PALLD: variants seen among roughly 807,000 people sequenced by gnomAD.
PALLD encodes palladin.
In PALLD, 61 loss-of-function variants were observed where a neutral mutation model predicts 123.5. That is an observed-to-expected ratio of 0.49 (90% CI 0.40 to 0.61). PALLD has a LOEUF of 0.61. Ranked by LOEUF, PALLD falls within the 20% of genes least tolerant of loss-of-function variation. The pLI, the probability that PALLD is intolerant of heterozygous loss-of-function variation, is 0.00. For synonymous variants in PALLD, 465 were observed against 496.4 expected (o/e 0.94, Z 0.84); for missense variants, 1,273 against 1,377.0 (o/e 0.92, Z 1.20).
At chr4:168,880,254 CA>C (rs1752425973) in intron 10 of PALLD, among the ~76,000 whole-genome samples, 1 of 152,138 alleles carries the variant, frequency 6.6e-6, no homozygotes, top group African/African-American at 2.4e-5. Flanking sequence ...TTTATGGAGT[CA>C]AAATAGCTTA....
chr4:168,878,311 G>C, intron 10 of PALLD: 1 of 1,526,590 alleles, frequency 6.6e-7, no homozygotes, highest in Non-Finnish European at 8.7e-7. Flanking sequence ...AGACGCCCGC[G>C]GCCTTCCTCA....
chr4:168,708,932 C>A, intron 8 of PALLD, 96 bp from the exon 9 acceptor site: 1 of 1,050,800 alleles, frequency 9.5e-7, no homozygotes, highest in Non-Finnish European at 1.5e-6. Flanking sequence ...TAATCATAAC[C>A]TAATTTGTTT....
intron 10 of PALLD, among the ~76,000 whole-genome samples, chr4:168,713,599 T>C (rs1785044843): frequency 1.3e-5 from 2 of 152,184 alleles, no homozygotes; most frequent in Non-Finnish European, 2.9e-5. Flanking sequence ...AGCTTTTAGC[T>C]CTGCTTTGCA....
Position 168,913,960 on chromosome 4 carries a change from C to T in PALLD, c.2656C>T (p.Gln886Ter). Reference sequence around the variant, plus strand: ...CAGTTGTACTGGACGGCTAATGGTACAGGCTGTCAACCAAAGAGGTCGAAG... The same window carrying T: ...CAGTTGTACTGGACGGCTAATGGTATAGGCTGTCAACCAAAGAGGTCGAAG... ...RISCTGRLMVQAVNQRGRSPR... is the reference protein window; with the variant it reads ...RISCTGRLMV Residue 886 changes from glutamine to a stop codon, truncating the protein, a stop_gained, in exon 16 of 22, where the codon CAG becomes TAG. Coordinates refer to ENST00000505667, the MANE Select transcript of PALLD (RefSeq NM_001166108.2). LOFTEE classifies it high-confidence loss of function. The T allele has an allele frequency of 6.2e-7, 1 of 1,613,142 alleles. No homozygotes were observed. Among genetic ancestry groups the T allele is most frequent in the Admixed American group, 1.7e-5 (1 of 60,018 alleles).
chr4:168,669,800 G>GCACACACACA (rs10637670), intron 3 of PALLD, among the ~76,000 whole-genome samples: 65 of 148,024 alleles, frequency 4.4e-4, no homozygotes, highest in African/African-American at 1.3e-3. Context: ...CTTACAAAAT[G>GCACACACACA]CACACACACA....
At chr4:168,704,718 A>C (rs1352393233) in intron 8 of PALLD, among the ~76,000 whole-genome samples, 1 of 151,956 alleles carries the variant, frequency 6.6e-6, no homozygotes. Flanking sequence ...ACCTATTCAA[A>C]AAAATAAAAA....
At chr4:168,767,633 C>T (rs1029912762) in intron 10 of PALLD, among the ~76,000 whole-genome samples, 3 of 151,726 alleles carry the variant, frequency 2.0e-5, no homozygotes, top group Non-Finnish European at 2.9e-5. Flanking sequence ...CCACAACCTC[C>T]GCCTCCCGGG....
chr4:168,594,452 G>C (rs968167258), intron 2 of PALLD, among the ~76,000 whole-genome samples: 2 of 152,124 alleles, frequency 1.3e-5, no homozygotes, highest in Admixed American at 6.5e-5. Flanking sequence ...AGGGGAGGTA[G>C]TATCCCACTA....
rs1373936721 is a variant in PALLD at position 168,774,068 on chromosome 4, TC to T, written c.1964+62146del. Among the ~76,000 whole-genome samples, 3 of 136,290 alleles carry T rather than the reference TC, an allele frequency of 2.2e-5. No homozygotes were observed. In the East Asian group the frequency reaches 1.0e-3, roughly 46 times the overall value. 89.4% of individuals were successfully genotyped at this position (136,290 alleles called of 152,430 possible). ...TCCTCTCAAGCCACTGTTTTCTCTC[TC>T]TTTTTTTTTTTTTGCGATTAAAAAA... is the stretch of plus-strand genomic sequence containing the variant. On this transcript the variant is annotated intron_variant, in intron 10 of 21. Coordinates refer to ENST00000505667, the MANE Select transcript of PALLD (RefSeq NM_001166108.2).
chr4:168,917,238 C>T lies in PALLD; in HGVS notation c.2850+1211C>T, dbSNP rs563147995. ...TAATTTTTTGTATCTTTAGTACAGACGGGGTTTCACCATATTGGCCAGGCT... is the reference window on the plus strand; with the variant it reads ...TAATTTTTTGTATCTTTAGTACAGATGGGGTTTCACCATATTGGCCAGGCT... On this transcript the variant is annotated intron_variant, in intron 17 of 21. Coordinates refer to ENST00000505667, the MANE Select transcript of PALLD (RefSeq NM_001166108.2). Among the ~76,000 whole-genome samples the T allele has an allele frequency of 2.4e-3, 355 of 149,412 alleles. 7 individuals carry two copies. Among genetic ancestry groups the T allele is most frequent in the Non-Finnish European group, 5.4e-4 (36 of 67,210 alleles).
intron 10 of PALLD, among the ~76,000 whole-genome samples, chr4:168,724,308 T>A (rs1413156155): frequency 6.6e-6 from 1 of 152,232 alleles, no homozygotes; most frequent in Non-Finnish European, 1.5e-5. Context: ...GGTTGACAAT[T>A]TTTTTACCAT....
chr4:168,900,508 CA>C lies in PALLD; in HGVS notation c.2472+1795del, dbSNP rs200067891. Among the ~76,000 whole-genome samples, 728 of 152,174 alleles carry C rather than the reference CA, an allele frequency of 4.8e-3. 6 individuals are homozygous for C. The highest frequency in any genetic ancestry group is 5.5e-3 in the Admixed American group (84 of 15,284). ...AATGAAATAAAAAGCTTAATAGTGG[CA>C]TAAAATGAAAGAGGGAAAAGTGATA... On this transcript the variant is annotated intron_variant, in intron 14 of 21. Transcript: ENST00000505667.
At chr4:168,685,771 G>A (rs1209616909) in intron 6 of PALLD, among the ~76,000 whole-genome samples, 1 of 120,892 alleles carries the variant, frequency 8.3e-6, no homozygotes, top group Non-Finnish European at 1.6e-5. Flanking sequence ...GCAGGAACTT[G>A]ATAGAGCCTA....
At chr4:168,658,079 A>T (rs1778761128) in intron 2 of PALLD, among the ~76,000 whole-genome samples, 1 of 152,086 alleles carries the variant, frequency 6.6e-6, no homozygotes, top group Non-Finnish European at 1.5e-5. Flanking sequence ...ACAACGACGA[A>T]CCCCAGGTAT....
chr4:168,555,438 A>G (rs1162762286), intron 2 of PALLD, among the ~76,000 whole-genome samples: 2 of 152,152 alleles, frequency 1.3e-5, no homozygotes, highest in African/African-American at 4.8e-5. Context: ...AGGTGGAACC[A>G]CTTTATTCAG....
intron 12 of PALLD, 174 bp downstream of exon 12, chr4:168,894,851 A>G: frequency 1.0e-6 from 1 of 976,320 alleles, no homozygotes; most frequent in Admixed American, 2.6e-5. Context: ...AGCACATACT[A>G]TGTTAAGTGA....
intron 10 of PALLD, chr4:168,864,476 C>T (rs1749976709): frequency 6.6e-6 from 1 of 152,244 alleles, no homozygotes; most frequent in Non-Finnish European, 1.5e-5. Flanking sequence ...ACTTATTACT[C>T]AGCTGGATGA....
At chr4:168,608,176 T>C (rs1773375724) in intron 2 of PALLD, among the ~76,000 whole-genome samples, 1 of 152,146 alleles carries the variant, frequency 6.6e-6, no homozygotes, top group Non-Finnish European at 1.5e-5. Flanking sequence ...CCTATAAATA[T>C]GTGGTGCAGA....
intron 13 of PALLD, among the ~76,000 whole-genome samples, chr4:168,897,474 T>TCTCA (rs1488652277): frequency 1.3e-5 from 2 of 152,180 alleles, no homozygotes; most frequent in African/African-American, 4.8e-5. Flanking sequence ...GGAGACAGGG[T>TCTCA]CTCACTCTTT....
Sources: allele counts gnomAD v4.1 joint callset (sites outside exome capture counted in the v4.1 genomes callset), GRCh38; gene constraint gnomAD v4.1.1; transcripts MANE v1.5; gene names NCBI Gene and HGNC (gene_info 2026-07-23, HGNC 2026-07-21).